CSMD1: variants seen among roughly 807,000 people sequenced by gnomAD.
CSMD1 encodes CUB and sushi domain-containing protein 1.
In CSMD1, 213 loss-of-function variants were observed where a neutral mutation model predicts 417.5. The ratio of observed to expected loss-of-function variants is 0.51; its 90% CI spans 0.46 to 0.57. CSMD1 has a LOEUF of 0.57. Among genes scored for constraint, CSMD1 ranks in the 20% least tolerant of loss-of-function variants. The probability of loss-of-function intolerance (pLI) is 0.00; values close to 1 mark genes in which losing one functional copy is unlikely to be tolerated. For synonymous variants in CSMD1, 2,862 were observed against 1,736.8 expected (o/e 1.65, Z -16.11); for missense variants, 6,923 against 4,529.7 (o/e 1.53, Z -15.17).
At chr8:3,589,590 T>G (rs1454250248) in intron 8 of CSMD1, among the ~76,000 whole-genome samples, 1 of 152,076 alleles carries the variant, frequency 6.6e-6, no homozygotes, top group East Asian at 1.9e-4. Flanking sequence ...GAACTCCCAG[T>G]AGCAGAGTGT....
rs191058137 is a variant in CSMD1 at position 4,912,201 on chromosome 8, C to G, written c.85+82131G>C. Among the ~76,000 whole-genome samples the G allele has an allele frequency of 3.4e-5, 5 of 147,820 alleles. No individual in the cohort carries two copies. The East Asian group carries it at 7.9e-4, about 23-fold the overall frequency. Reference sequence around the variant, plus strand: ...GACAATGCATAAAATTAGAAAAGTCCTCTTACTGAGCTAGGTGGAGACCTG... The same window carrying G: ...GACAATGCATAAAATTAGAAAAGTCGTCTTACTGAGCTAGGTGGAGACCTG... On this transcript the variant is annotated intron_variant, in intron 1 of 69. Transcript: ENST00000635120.
intron 2 of CSMD1, among the ~76,000 whole-genome samples, chr8:4,473,021 TCAAA>T (rs1394523681): frequency 2.6e-5 from 4 of 152,060 alleles, no homozygotes; most frequent in South Asian, 2.1e-4. Context: ...TTTAAATTCC[TCAAA>T]CAAGTCAAAA....
intron 5 of CSMD1, among the ~76,000 whole-genome samples, chr8:3,987,091 G>A (rs771976283): frequency 9.2e-5 from 14 of 152,116 alleles, no homozygotes; most frequent in Non-Finnish European, 1.6e-4. Context: ...TTGTGAAAAC[G>A]ATGGGTTCCT....
Position 4,031,924 on chromosome 8 carries a change from G to T in CSMD1, c.591C>A (p.Phe197Leu). ...CTGTACCTCTGCAAAAGGGAGCTGG[G>T]AAGTCCCACGATGCACCATTTCCTG... ...VSPGNGASWD[F>L]PAPFCRAEGA... Residue 197 changes from phenylalanine to leucine, a missense_variant, in exon 4 of 70, where the codon TTC becomes TTA. Phe to Leu is a conservative substitution (Grantham distance 22, BLOSUM62 0). Transcript: ENST00000635120. 1 of 1,613,604 alleles carries T rather than the reference G, an allele frequency of 6.2e-7. No homozygotes were observed. Among genetic ancestry groups the T allele is most frequent in the Non-Finnish European group, 8.5e-7 (1 of 1,179,782 alleles).
chr8:3,301,263 G>A (rs1804381286), intron 25 of CSMD1, among the ~76,000 whole-genome samples: 1 of 152,072 alleles, frequency 6.6e-6, no homozygotes, highest in African/African-American at 2.4e-5. Flanking sequence ...GGTGGTCAGT[G>A]GAAACCTGGT....
chr8:3,986,703 G>C (rs150858920), intron 5 of CSMD1, among the ~76,000 whole-genome samples: 8 of 152,146 alleles, frequency 5.3e-5, no homozygotes, highest in Non-Finnish European at 1.2e-4. Flanking sequence ...TTTTACCATG[G>C]AAAATTTATC....
At chr8:3,050,155 T>A (rs1811724811) in intron 50 of CSMD1, among the ~76,000 whole-genome samples, 1 of 150,710 alleles carries the variant, frequency 6.6e-6, no homozygotes, top group Non-Finnish European at 1.5e-5. Flanking sequence ...ACCAGTTGCC[T>A]CAGAATCCCT....
chr8:4,616,026 C>T (rs998569548), intron 2 of CSMD1, among the ~76,000 whole-genome samples: 5 of 152,070 alleles, frequency 3.3e-5, no homozygotes, highest in Admixed American at 6.6e-5. Context: ...AAGCAATTTT[C>T]GGATGAAATA....
At chr8:3,422,100 A>C (rs998749695) in intron 12 of CSMD1, among the ~76,000 whole-genome samples, 3 of 151,708 alleles carry the variant, frequency 2.0e-5, no homozygotes, top group African/African-American at 7.3e-5. Context: ...TACCCTTCCC[A>C]TGACTAGATG....
chr8:3,209,102 T>C (rs1043922559), intron 30 of CSMD1, among the ~76,000 whole-genome samples: 2 of 152,116 alleles, frequency 1.3e-5, no homozygotes, highest in African/African-American at 4.8e-5. Flanking sequence ...TTTTGAAAAG[T>C]CAAAGATGAA....
At chr8:3,980,793 A>T (rs957610570) in intron 5 of CSMD1, among the ~76,000 whole-genome samples, 2 of 152,234 alleles carry the variant, frequency 1.3e-5, no homozygotes, top group South Asian at 2.1e-4. Flanking sequence ...TAGACTGGGG[A>T]TACATACCCC....
intron 3 of CSMD1, among the ~76,000 whole-genome samples, chr8:4,220,324 G>T (rs1455170631): frequency 6.6e-6 from 1 of 152,174 alleles, no homozygotes; most frequent in South Asian, 2.1e-4. Flanking sequence ...TGAAGCGTGA[G>T]AAGGAGGTTA....
intron 2 of CSMD1, among the ~76,000 whole-genome samples, chr8:4,558,980 CT>C (rs1798212921): frequency 1.3e-5 from 2 of 152,078 alleles, no homozygotes; most frequent in South Asian, 4.1e-4. Flanking sequence ...ACTGAACTGG[CT>C]TAAGGCAGTA....
intron 33 of CSMD1, among the ~76,000 whole-genome samples, chr8:3,190,714 A>G (rs917118915): frequency 6.6e-6 from 1 of 152,246 alleles, no homozygotes; most frequent in Non-Finnish European, 1.5e-5. Context: ...TCTTCAAAAT[A>G]GTCTAGATGT....
intron 26 of CSMD1, among the ~76,000 whole-genome samples, chr8:3,267,701 G>C (rs759542555): frequency 1.3e-5 from 2 of 152,170 alleles, no homozygotes; most frequent in Non-Finnish European, 2.9e-5. Context: ...ATAGAGTAAC[G>C]GGCTGACATC....
chr8:3,945,929 T>G (rs184076370), intron 5 of CSMD1, among the ~76,000 whole-genome samples: 1 of 152,152 alleles, frequency 6.6e-6, no homozygotes, highest in Non-Finnish European at 1.5e-5. Context: ...CAACTAAGAC[T>G]ATCATGATTA....
intron 3 of CSMD1, among the ~76,000 whole-genome samples, chr8:4,103,525 T>C (rs2130885830): frequency 6.6e-6 from 1 of 151,626 alleles, no homozygotes; most frequent in Non-Finnish European, 1.5e-5. Flanking sequence ...AATGTAAATA[T>C]ATATACACAC....
chr8:4,258,187 T>A (rs1371828783), intron 3 of CSMD1, among the ~76,000 whole-genome samples: 2 of 150,026 alleles, frequency 1.3e-5, no homozygotes, highest in Non-Finnish European at 3.0e-5. Context: ...TCAAGCAATC[T>A]TCCTGGCTTG....
chr8:4,579,343 T>TAC, intron 2 of CSMD1, among the ~76,000 whole-genome samples: 2 of 151,742 alleles, frequency 1.3e-5, no homozygotes, highest in East Asian at 1.9e-4. Flanking sequence ...CATATATATA[T>TAC]ACACACACGT....
Sources: gnomAD v4.1 joint callset for allele counts (sites outside exome capture counted in the v4.1 genomes callset) on GRCh38, gnomAD v4.1.1 for gene constraint, MANE v1.5 for transcripts, NCBI Gene and HGNC (gene_info 2026-07-23, HGNC 2026-07-21) for gene names.